Variants in SEC24D observed in about 807,000 individuals in gnomAD.
The protein encoded by SEC24D is protein transport protein Sec24D.
Under a neutral mutation model 116.9 loss-of-function variants are expected in SEC24D, and 69 were observed. That is an observed-to-expected ratio of 0.59 (90% CI 0.49 to 0.72). The LOEUF is 0.72. Among genes scored for constraint, SEC24D ranks in the 30% least tolerant of loss-of-function variants. SEC24D has a pLI of 0.00. For missense variants in SEC24D, 1,131 were observed against 1,264.1 expected (o/e 0.89, Z 1.60); for synonymous variants, 405 against 442.8 (o/e 0.91, Z 1.07).
At chr4:118,726,846 G>C (rs1460882528) in intron 22 of SEC24D, among the ~76,000 whole-genome samples, 1 of 152,136 alleles carries the variant, frequency 6.6e-6, no homozygotes, top group Non-Finnish European at 1.5e-5. Context: ...TTTTGAAAAA[G>C]TAATTAGCAT....
At chr4:118,834,818 C>T (rs1054396153) in intron 1 of SEC24D, among the ~76,000 whole-genome samples, 1 of 152,088 alleles carries the variant, frequency 6.6e-6, no homozygotes, top group African/African-American at 2.4e-5. Context: ...CTTTTATTTG[C>T]TACAATTTAA....
chr4:118,828,129 G>GTTTT, intron 2 of SEC24D, among the ~76,000 whole-genome samples: 1 of 149,874 alleles, frequency 6.7e-6, no homozygotes, highest in Non-Finnish European at 1.5e-5. Flanking sequence ...TTTTTTTTGA[G>GTTTT]ACAGAATCTC....
At chr4:118,790,176 T>G (rs1052525796) in intron 8 of SEC24D, among the ~76,000 whole-genome samples, 2 of 152,214 alleles carry the variant, frequency 1.3e-5, no homozygotes, top group African/African-American at 4.8e-5. Context: ...GATGAAAGTT[T>G]ATCCTTGCTA....
rs371009255 is a variant in SEC24D at position 118,805,883 on chromosome 4, G to C, written c.873C>G (p.Ile291Met). 6.3e-7 allele frequency: 1 copy of C among 1,594,508 alleles called. No homozygotes were observed. The highest frequency in any genetic ancestry group is 1.4e-5 in the African/African-American group (1 of 73,952). ...QVYATNTRGQ[I>M]PPLVTTDCMI... ...TGCAATCTGTAGTGACCAGGGGAGG[G>C]ATCTGGCCTCTGGTGTTGGTGGCAT... Residue 291 changes from isoleucine (I) to methionine (M), a missense_variant, in exon 7 of 23, where the codon ATC becomes ATG. Transcript: ENST00000280551.
chr4:118,815,720 C>T lies in SEC24D; in HGVS notation c.404G>A (p.Gly135Asp). Residue 135 changes from glycine (G) to aspartate (D), a missense_variant, in exon 5 of 23, where the codon GGC (glycine) becomes GAC (aspartate). Physicochemically the swap from Gly to Asp is moderately conservative, Grantham distance 94. Coordinates refer to ENST00000280551, the MANE Select transcript of SEC24D (RefSeq NM_014822.4). ...SAMQINSYGS[G>D]MAPPSQGPPG... Reference sequence around the variant, plus strand: ...GGGTCCCTGGCTTGGAGGAGCCATGCCTGAACCTGTGTGAGAAAGGAGACC... The same window carrying T: ...GGGTCCCTGGCTTGGAGGAGCCATGTCTGAACCTGTGTGAGAAAGGAGACC... 3 of 1,613,566 alleles carry T rather than the reference C, an allele frequency of 1.9e-6. No homozygotes were observed. Among genetic ancestry groups the T allele is most frequent in the African/African-American group, 1.3e-5 (1 of 75,030 alleles).
chr4:118,737,207 C>G (rs1430320963), intron 19 of SEC24D, among the ~76,000 whole-genome samples: 2 of 152,188 alleles, frequency 1.3e-5, no homozygotes, highest in African/African-American at 4.8e-5. Context: ...CCTGAACTAG[C>G]ATGCTATGAA....
Position 118,797,760 on chromosome 4 carries a change from T to A in SEC24D, c.964A>T (p.Thr322Ser). The A allele has an allele frequency of 6.2e-7, 1 of 1,611,634 alleles. No individual in the cohort carries two copies. Among genetic ancestry groups the A allele is most frequent in the Non-Finnish European group, 8.5e-7 (1 of 1,178,202 alleles). ...TGAGCTTGCTTAGCCATATCTGACG[T>A]GCATGGAAAACAGTATGTTGTACAA... ...IRCTTYCFPC[T>S]SDMAKQAQIP... Residue 322 changes from threonine (T) to serine (S), a missense_variant, in exon 8 of 23, where the codon ACG becomes TCG. By Grantham distance (58) the Thr-to-Ser change is moderately conservative. Coordinates refer to ENST00000280551, the MANE Select transcript of SEC24D (RefSeq NM_014822.4).
At chr4:118,794,180 TTAAAC>T (rs1249837305) in intron 8 of SEC24D, among the ~76,000 whole-genome samples, 1 of 152,208 alleles carries the variant, frequency 6.6e-6, no homozygotes, top group Non-Finnish European at 1.5e-5. Flanking sequence ...TTTAGGAGGC[TTAAAC>T]TAATGTTTGA....
At chr4:118,810,137 T>TGTGTG (rs56961502) in intron 6 of SEC24D, among the ~76,000 whole-genome samples, 1 of 104,272 alleles carries the variant, frequency 9.6e-6, no homozygotes, top group Non-Finnish European at 2.1e-5. Context: ...TGTGTGTGTG[T>TGTGTG]CAGAGGGTAT....
chr4:118,751,157 T>C (rs1726803834), intron 13 of SEC24D, among the ~76,000 whole-genome samples: 1 of 150,024 alleles, frequency 6.7e-6, no homozygotes, highest in Admixed American at 6.8e-5. Context: ...AAGGTAATAA[T>C]GATGATTTAG....
Position 118,801,257 on chromosome 4 carries a change from A to G in SEC24D, c.914-3447T>C, listed in dbSNP as rs975044321. 6.0e-5 allele frequency among the ~76,000 whole-genome samples: 9 copies of G among 150,696 alleles called. No homozygotes were observed. The South Asian group carries it at 6.3e-4, about 11-fold the overall frequency. ...AGCCTGGGCGACAGAGCAAGACTCC[A>G]TCTCAAAAAAAAAAAAAAAATCGAA... On this transcript the variant is annotated intron_variant, in intron 7 of 22. Transcript: ENST00000280551.
intron 19 of SEC24D, 157 bp downstream of exon 19, chr4:118,738,104 C>T: frequency 1.9e-6 from 1 of 529,722 alleles, no homozygotes; most frequent in Non-Finnish European, 3.4e-6. Flanking sequence ...AAAAAAACCA[C>T]AGCCCCCCCA....
intron 8 of SEC24D, among the ~76,000 whole-genome samples, chr4:118,796,936 G>A (rs1279585748): frequency 1.3e-5 from 2 of 152,190 alleles, no homozygotes; most frequent in African/African-American, 2.4e-5. Flanking sequence ...ATGGGTTATG[G>A]TCACAGCTCC....
intron 2 of SEC24D, among the ~76,000 whole-genome samples, chr4:118,829,380 G>A (rs1665728385): frequency 6.6e-6 from 1 of 152,150 alleles, no homozygotes; most frequent in South Asian, 2.1e-4. Flanking sequence ...GGGCATGGTG[G>A]GCACACCTAT....
At chr4:118,793,854 TAG>T (rs1189959746) in intron 8 of SEC24D, among the ~76,000 whole-genome samples, 1 of 152,346 alleles carries the variant, frequency 6.6e-6, no homozygotes, top group South Asian at 2.1e-4. Flanking sequence ...GGGCTTTGTG[TAG>T]AGAGAGCCTG....
rs192686275 is a variant in SEC24D at position 118,740,759 on chromosome 4, G to A, written c.2142C>T (p.Thr714=). 108 of 1,613,878 alleles carry A rather than the reference G, an allele frequency of 6.7e-5. 1 individual carries two copies. In the South Asian group the frequency reaches 8.3e-4, roughly 12 times the overall value. The change falls in exon 17 of 23, where the codon ACC becomes ACT. Residue 714 remains threonine, a synonymous_variant. Transcript: ENST00000280551. ...AATCGATGGCAGCCATTTCTACATC[G>A]GTGGTGTTGTTCATCAAGATTCCAC... ...FFGGILMNNT[T]DVEMAAIDCD...
chr4:118,820,859 T>A (rs967257913), intron 3 of SEC24D, among the ~76,000 whole-genome samples: 1 of 152,158 alleles, frequency 6.6e-6, no homozygotes, highest in Non-Finnish European at 1.5e-5. Context: ...GAAGGGCAGA[T>A]TCACCATAGG....
chr4:118,798,141 T>C (rs1246795938), intron 7 of SEC24D, among the ~76,000 whole-genome samples: 1 of 152,090 alleles, frequency 6.6e-6, no homozygotes, highest in African/African-American at 2.4e-5. Context: ...ATGGAAAAAA[T>C]AAAACAAAGA....
At chr4:118,728,751 T>C (rs1725535030) in intron 21 of SEC24D, 101 bp from the exon 22 acceptor site, 2 of 700,444 alleles carry the variant, frequency 2.9e-6, no homozygotes, top group Admixed American at 3.2e-5. Flanking sequence ...AACCATGTAC[T>C]TGAACATTGG....
Sources: gnomAD v4.1 joint callset for allele counts (sites outside exome capture counted in the v4.1 genomes callset) on GRCh38, gnomAD v4.1.1 for gene constraint, MANE v1.5 for transcripts, NCBI Gene and HGNC (gene_info 2026-07-23, HGNC 2026-07-21) for gene names.